DPF3: variants seen among roughly 807,000 people sequenced by gnomAD.
The protein encoded by DPF3 is double PHD fingers 3.
DPF3 carries 18 observed loss-of-function variants against 56.8 expected under a neutral mutation model. That is an observed-to-expected ratio of 0.32 (90% CI 0.22 to 0.47). DPF3 has a LOEUF of 0.47. Ranked by LOEUF, DPF3 falls within the 20% of genes least tolerant of loss-of-function variation. The pLI is 1.00. For missense variants in DPF3, 403 were observed against 488.8 expected, an observed-to-expected ratio of 0.82 and a Z score of 1.65; for synonymous variants, 188 against 180.2, an observed-to-expected ratio of 1.04 and a Z score of -0.35.
rs972357515 is a variant in DPF3 at position 72,836,438 on chromosome 14, G to A, written c.32+57619C>T. On this transcript the variant is annotated intron_variant, in intron 1 of 10. Transcript: ENST00000556509. ...ACTGGATAAGCGCACCCTCCTCCAT[G>A]CCTCCCTGCTCCTGCCTGCCCTGAA... The A allele has an allele frequency of 7.1e-6, 7 of 985,616 alleles. No homozygotes were observed. In the East Asian group the frequency reaches 3.4e-4, roughly 48 times the overall value. 61.1% of individuals were successfully genotyped at this position (985,616 alleles called of 1,614,324 possible).
At chr14:72,626,664 T>C (rs1480730254) in intron 9 of DPF3, among the ~76,000 whole-genome samples, 1 of 152,160 alleles carries the variant, frequency 6.6e-6, no homozygotes, top group Non-Finnish European at 1.5e-5. Context: ...CATTCCATCA[T>C]GTTGCAGGTA....
In DPF3 at chr14:72,612,608, CAGG is replaced by C. The variant is rs1567174387; in HGVS notation, c.*6686_*6688del. 1 of 518,784 alleles carries C rather than the reference CAGG, an allele frequency of 1.9e-6. No individual in the cohort carries two copies. Among genetic ancestry groups the C allele is most frequent in the Non-Finnish European group, 3.8e-6 (1 of 259,824 alleles). The allele number at this position is 518,784 out of a possible 1,614,324, so 32.1% of individuals were successfully genotyped here. A position where few individuals can be genotyped will look rare whatever the true frequency, so the allele number is the denominator to read the frequency against. On this transcript the variant is annotated 3_prime_UTR_variant, in exon 11 of 11. Transcript: ENST00000556509. ...GAAACAGTGCAGGGAAGGGAGAGGG[CAGG>C]AGGAGAATCAGGGTCTCAGTGGGGA...
At chr14:72,743,120 G>GA (rs1478881920) in intron 3 of DPF3, among the ~76,000 whole-genome samples, 1 of 152,092 alleles carries the variant, frequency 6.6e-6, no homozygotes, top group Admixed American at 6.5e-5. Context: ...GCCAAAAACA[G>GA]AAAAAATACA....
intron 2 of DPF3, among the ~76,000 whole-genome samples, chr14:72,770,457 G>A (rs1891475582): frequency 6.6e-6 from 1 of 152,222 alleles, no homozygotes; most frequent in Non-Finnish European, 1.5e-5. Flanking sequence ...CCAAATATTT[G>A]ATGATATTAA....
intron 1 of DPF3, among the ~76,000 whole-genome samples, chr14:72,840,957 T>C (rs1190993521): frequency 1.3e-5 from 2 of 152,312 alleles, no homozygotes; most frequent in South Asian, 2.1e-4. Context: ...TTCCCAGGCA[T>C]GGGTCTGGCT....
At chr14:72,785,533 T>TC (rs1892176353) in intron 1 of DPF3, among the ~76,000 whole-genome samples, 1 of 152,202 alleles carries the variant, frequency 6.6e-6, no homozygotes, top group Non-Finnish European at 1.5e-5. Flanking sequence ...CCTCCAGAAC[T>TC]AGAATAACCT....
chr14:72,880,889 G>A (rs1338232559), intron 1 of DPF3, among the ~76,000 whole-genome samples: 2 of 152,214 alleles, frequency 1.3e-5, no homozygotes, highest in Admixed American at 6.5e-5. Flanking sequence ...TAGGGAATAG[G>A]CATGAGAAGG....
intron 5 of DPF3, among the ~76,000 whole-genome samples, chr14:72,717,384 G>C (rs111522489): frequency 3.3e-5 from 5 of 152,340 alleles, no homozygotes; most frequent in African/African-American, 1.2e-4. Flanking sequence ...AGCTGAGAGT[G>C]TGTGAAACCA....
At chr14:72,703,284 T>C (rs938053277) in intron 6 of DPF3, among the ~76,000 whole-genome samples, 1 of 151,926 alleles carries the variant, frequency 6.6e-6, no homozygotes, top group Non-Finnish European at 1.5e-5. Flanking sequence ...GGATTGGGGG[T>C]AGGGGTGGGG....
chr14:72,633,506 G>A (rs1885280074), intron 8 of DPF3, among the ~76,000 whole-genome samples: 1 of 152,180 alleles, frequency 6.6e-6, no homozygotes, highest in South Asian at 2.1e-4. Flanking sequence ...ATGGCAAGAG[G>A]TAAGAAGCAA....
At chr14:72,764,491 T>TG (rs1488308570) in intron 2 of DPF3, among the ~76,000 whole-genome samples, 1 of 119,640 alleles carries the variant, frequency 8.4e-6, no homozygotes, top group African/African-American at 3.7e-5. Flanking sequence ...GTTGTTTTTT[T>TG]TTTTTTTTTT....
chr14:72,750,668 T>C (rs1313331192), intron 3 of DPF3, among the ~76,000 whole-genome samples: 1 of 151,898 alleles, frequency 6.6e-6, no homozygotes, highest in Non-Finnish European at 1.5e-5. Flanking sequence ...GTGGACAATA[T>C]CTAAGGCACA....
intron 3 of DPF3, among the ~76,000 whole-genome samples, chr14:72,738,187 G>T (rs1163265060): frequency 1.3e-5 from 2 of 152,014 alleles, no homozygotes; most frequent in African/African-American, 4.8e-5. Flanking sequence ...ATGGTGGCAG[G>T]CCCAGGGATC....
At chr14:72,886,926 AC>A in intron 1 of DPF3, among the ~76,000 whole-genome samples, 1 of 152,256 alleles carries the variant, frequency 6.6e-6, no homozygotes, top group African/African-American at 2.4e-5. Context: ...CAGCAGTAAC[AC>A]AGGTATGCTA....
intron 6 of DPF3, among the ~76,000 whole-genome samples, chr14:72,702,706 C>T (rs1888224461): frequency 6.6e-6 from 1 of 152,210 alleles, no homozygotes; most frequent in South Asian, 2.1e-4. Context: ...GAGAAAAGCC[C>T]TGTGTGACTC....
chr14:72,847,647 G>T (rs1032431467), intron 1 of DPF3, among the ~76,000 whole-genome samples: 19 of 152,048 alleles, frequency 1.2e-4, no homozygotes, highest in African/African-American at 4.6e-4. Flanking sequence ...GAGTAGCTGG[G>T]ATTACAGGCA....
At chr14:72,875,876 G>A (rs1035005884) in intron 1 of DPF3, among the ~76,000 whole-genome samples, 6 of 152,284 alleles carry the variant, frequency 3.9e-5, no homozygotes, top group Middle Eastern at 3.4e-3. Flanking sequence ...ATCCCCCTAG[G>A]AGGAAACCCA....
chr14:72,892,100 C>T (rs908279784), intron 1 of DPF3: 26 of 1,498,556 alleles, frequency 1.7e-5, no homozygotes, highest in African/African-American at 1.1e-4. Flanking sequence ...CGCGCGAAAG[C>T]GGGCTCCCGG....
At chr14:72,834,678 A>G (rs535477327) in intron 1 of DPF3, among the ~76,000 whole-genome samples, 1 of 152,218 alleles carries the variant, frequency 6.6e-6, no homozygotes, top group East Asian at 1.9e-4. Flanking sequence ...TATATGACCC[A>G]GAAACTCCTC....
Sources: gnomAD v4.1 joint callset for allele counts (sites outside exome capture counted in the v4.1 genomes callset) on GRCh38, gnomAD v4.1.1 for gene constraint, MANE v1.5 for transcripts, NCBI Gene and HGNC (gene_info 2026-07-23, HGNC 2026-07-21) for gene names.